Variants in BCKDHB observed in about 807,000 individuals in gnomAD.
BCKDHB encodes 2-oxoisovalerate dehydrogenase subunit beta, mitochondrial.
Under a neutral mutation model 48.5 loss-of-function variants are expected in BCKDHB, and 41 were observed. That is an observed-to-expected ratio of 0.85 (90% CI 0.66 to 1.10). The LOEUF is 1.10. Ranked by LOEUF, BCKDHB falls within the 50% of genes least tolerant of loss-of-function variation. The pLI is 0.00. For missense variants in BCKDHB, 496 were observed against 494.2 expected (o/e 1.00, Z -0.03); for synonymous variants, 201 against 174.8 (o/e 1.15, Z -1.18).
chr6:80,164,947 C>T (rs1772499536), intron 3 of BCKDHB, among the ~76,000 whole-genome samples: 1 of 152,196 alleles, frequency 6.6e-6, no homozygotes, highest in South Asian at 2.1e-4. Flanking sequence ...CGATTTTTAA[C>T]AGTTCATGTT....
chr6:80,135,243 A>G (rs527925889), intron 3 of BCKDHB, among the ~76,000 whole-genome samples: 31 of 152,240 alleles, frequency 2.0e-4, no homozygotes, highest in African/African-American at 5.1e-4. Context: ...CCATTGTAGA[A>G]TGGCAATCTG....
At chr6:80,166,468 C>T (rs1772573598) in intron 3 of BCKDHB, among the ~76,000 whole-genome samples, 1 of 151,920 alleles carries the variant, frequency 6.6e-6, no homozygotes, top group Non-Finnish European at 1.5e-5. Flanking sequence ...CCAGCCTGGC[C>T]AACATGGTGA....
At chr6:80,365,925 T>C in the BCKDHB span, among the ~76,000 whole-genome samples, 1 of 152,234 alleles carries the variant, frequency 6.6e-6, no homozygotes, top group African/African-American at 2.4e-5. Context: ...TAGGAGGCTA[T>C]AATATAACAC....
chr6:80,403,382 G>A, the BCKDHB span, among the ~76,000 whole-genome samples: 1 of 151,698 alleles, frequency 6.6e-6, no homozygotes, highest in Non-Finnish European at 1.5e-5. Flanking sequence ...TTCTTTTTCA[G>A]ATAGTTCATT....
the BCKDHB span, among the ~76,000 whole-genome samples, chr6:80,452,949 A>G: frequency 4.6e-5 from 7 of 152,166 alleles, no homozygotes; most frequent in African/African-American, 9.7e-5. Context: ...CACGAATTAC[A>G]TTCCTTCCCA....
chr6:80,123,171 C>T (rs577101633), intron 1 of BCKDHB, among the ~76,000 whole-genome samples: 2 of 152,134 alleles, frequency 1.3e-5, no homozygotes, highest in African/African-American at 4.8e-5. Context: ...CTAAAAATTG[C>T]TGTTATTCTG....
intron 9 of BCKDHB, among the ~76,000 whole-genome samples, chr6:80,315,590 G>A (rs1428545249): frequency 7.3e-5 from 11 of 151,320 alleles, no homozygotes; most frequent in Non-Finnish European, 1.5e-5. Flanking sequence ...CTTGGCCCCC[G>A]ATCCCTTGTT....
intron 8 of BCKDHB, among the ~76,000 whole-genome samples, chr6:80,218,954 G>C (rs1775292955): frequency 6.6e-6 from 1 of 152,014 alleles, no homozygotes; most frequent in Non-Finnish European, 1.5e-5. Context: ...TTGAGGTCCA[G>C]TGCTTGGTCT....
intron 8 of BCKDHB, among the ~76,000 whole-genome samples, chr6:80,262,656 A>G (rs1025203483): frequency 6.6e-6 from 1 of 152,134 alleles, no homozygotes. Flanking sequence ...CCTTACTTTT[A>G]AACTTATTTT....
chr6:80,189,645 A>C (rs1366381407), intron 6 of BCKDHB, among the ~76,000 whole-genome samples: 2 of 152,138 alleles, frequency 1.3e-5, no homozygotes, highest in Non-Finnish European at 2.9e-5. Flanking sequence ...AAAATATGAA[A>C]ATTTAGGTCT....
the BCKDHB span, among the ~76,000 whole-genome samples, chr6:80,465,193 C>A: frequency 6.6e-6 from 1 of 152,218 alleles, no homozygotes; most frequent in East Asian, 1.9e-4. Flanking sequence ...AGACTGTGGG[C>A]TTAAAGTGGT....
the BCKDHB span, among the ~76,000 whole-genome samples, chr6:80,450,741 G>A: frequency 0.019 from 2,904 of 152,132 alleles, 43 homozygotes; most frequent in Non-Finnish European, 0.031. Flanking sequence ...TGTTTAATAT[G>A]TTGTAGCTTT....
At chr6:80,125,115 G>T (rs1770274500) in intron 1 of BCKDHB, among the ~76,000 whole-genome samples, 1 of 152,150 alleles carries the variant, frequency 6.6e-6, no homozygotes, top group South Asian at 2.1e-4. Context: ...ATCTTAGTGA[G>T]ATCTTCTGGA....
At chr6:80,248,501 T>C (rs1489877269) in intron 8 of BCKDHB, among the ~76,000 whole-genome samples, 6 of 152,220 alleles carry the variant, frequency 3.9e-5, no homozygotes, top group Non-Finnish European at 8.8e-5. Flanking sequence ...GTGACAATTA[T>C]GTGCAAAATA....
intron 3 of BCKDHB, among the ~76,000 whole-genome samples, chr6:80,141,902 T>C (rs915102802): frequency 2.0e-5 from 3 of 152,120 alleles, no homozygotes; most frequent in Admixed American, 2.0e-4. Context: ...AACCTGATTC[T>C]TAGTCTTCTG....
intron 1 of BCKDHB, chr6:80,127,252 G>T (rs1405182977): frequency 1.7e-5 from 6 of 354,898 alleles, no homozygotes; most frequent in African/African-American, 4.2e-5. Context: ...CTCCCTTTCT[G>T]ACTTTCCATA....
chr6:80,182,686 T>C (rs1773467013), intron 6 of BCKDHB, among the ~76,000 whole-genome samples: 1 of 152,190 alleles, frequency 6.6e-6, no homozygotes, highest in Non-Finnish European at 1.5e-5. Context: ...AGAATACATT[T>C]ACTTCCATGT....
intron 3 of BCKDHB, among the ~76,000 whole-genome samples, chr6:80,151,600 A>T (rs1431716740): frequency 6.6e-6 from 1 of 152,094 alleles, no homozygotes; most frequent in African/African-American, 2.4e-5. Context: ...TTTCAGGTTA[A>T]AACTGATTCT....
chr6:80,302,719 C>G (rs986232790), intron 9 of BCKDHB, among the ~76,000 whole-genome samples: 12 of 152,136 alleles, frequency 7.9e-5, no homozygotes, highest in African/African-American at 2.9e-4. Flanking sequence ...ATCGATTGCA[C>G]TTATCCATTT....
Sources: gnomAD v4.1 joint callset for allele counts (sites outside exome capture counted in the v4.1 genomes callset) on GRCh38, gnomAD v4.1.1 for gene constraint, MANE v1.5 for transcripts, NCBI Gene and HGNC (gene_info 2026-07-23, HGNC 2026-07-21) for gene names.